The following TRIM29 variants were observed in gnomAD, a reference collection of about 807,000 sequenced individuals.
TRIM29 encodes the protein tripartite motif containing 29, also known as tripartite motif-containing protein 29.
Under a neutral mutation model 57.3 loss-of-function variants are expected in TRIM29, and 52 were observed. The ratio of observed to expected loss-of-function variants is 0.91; its 90% CI spans 0.73 to 1.14. The LOEUF (loss-of-function observed/expected upper bound fraction) is 1.14. Ranked by LOEUF, TRIM29 falls within the 50% of genes most tolerant of loss-of-function variation. The pLI is 0.00. For missense variants in TRIM29, 753 were observed against 774.6 expected (o/e 0.97, Z 0.33); for synonymous variants, 319 against 316.9 (o/e 1.01, Z -0.07).
At position 120,112,384 on chromosome 11, in the gene TRIM29, GTGTGGCGCCT is replaced by G. The variant is rs757541258; in HGVS notation, c.*20_*29del. ...AGCAGGGTCAGGAGGAAGAGCAGGG[GTGTGGCGCCT>G]CGTTCCTTCCGCCAGGAGCTCATGG... On this transcript the variant is annotated 3_prime_UTR_variant, in exon 9 of 9. Transcript: ENST00000341846. The G allele has an allele frequency of 4.3e-6, 7 of 1,612,234 alleles. No individual in the cohort carries two copies. The highest frequency in any genetic ancestry group is 4.2e-6 in the Non-Finnish European group (5 of 1,178,506).
At chr11:120,123,407 A>G in intron 4 of TRIM29, 1 of 482,506 alleles carries the variant, frequency 2.1e-6, no homozygotes, top group Non-Finnish European at 4.1e-6. Flanking sequence ...CCTGAGACAG[A>G]TAAGGAAATT....
At chr11:120,120,966 G>A in intron 5 of TRIM29, 1 of 445,762 alleles carries the variant, frequency 2.2e-6, no homozygotes, top group Non-Finnish European at 4.2e-6. Context: ...CCTGGAAGTG[G>A]CCTAATGAGC....
chr11:120,121,975 C>T (rs527241626), intron 5 of TRIM29: 2 of 448,488 alleles, frequency 4.5e-6, no homozygotes, highest in South Asian at 1.6e-5. Flanking sequence ...GCAGGCTGGC[C>T]GGCTGGGGCC....
intron 6 of TRIM29, chr11:120,118,707 A>ACACTC (rs756022927): frequency 5.3e-6 from 1 of 187,998 alleles, no homozygotes; most frequent in East Asian, 1.7e-4. Context: ...AGTGTCTGAG[A>ACACTC]CACTCCATCT....
In TRIM29 at chr11:120,137,726, C is replaced by A. The variant is rs1240316699; in HGVS notation, c.306G>T (p.Lys102Asn). Residue 102 changes from lysine to asparagine, a missense_variant, in exon 1 of 9, where the codon AAG becomes AAT. Coordinates refer to ENST00000341846, the MANE Select transcript of TRIM29 (RefSeq NM_012101.4). The surrounding 1 kb of genome is among the most constrained non-coding windows in gnomAD (Gnocchi z 6.2). ...GCTGGAGCCCTGCGTACGGCGACCT[C>A]TTGCCTTCCATAGAGTCCATGCTGA... Reference protein sequence around the residue: ...NYFSMDSMEGKRSPYAGLQLG... With the variant: ...NYFSMDSMEGNRSPYAGLQLG... 1.2e-6 allele frequency: 2 copies of A among 1,612,626 alleles called. No individual in the cohort carries two copies. Among genetic ancestry groups the A allele is most frequent in the Admixed American group, 1.7e-5 (1 of 60,002 alleles).
At chr11:120,116,109 C>G (rs1863261404) in intron 7 of TRIM29, 1 of 152,578 alleles carries the variant, frequency 6.6e-6, no homozygotes, top group South Asian at 2.1e-4. Flanking sequence ...TAGCCAGAGA[C>G]TAGGGCCTAG....
intron 1 of TRIM29, 71 bp from the exon 2 acceptor site, chr11:120,128,566 G>A (rs1010525823): frequency 1.6e-5 from 24 of 1,537,350 alleles, no homozygotes; most frequent in Admixed American, 7.4e-5. Flanking sequence ...ACCAGGGAGC[G>A]GCTCCACTCA....
intron 1 of TRIM29, among the ~76,000 whole-genome samples, chr11:120,135,090 C>A (rs549400936): frequency 6.6e-6 from 1 of 152,332 alleles, no homozygotes; most frequent in African/African-American, 2.4e-5. Flanking sequence ...ACTCTGAGCT[C>A]CTGGCACATC....
chr11:120,120,912 G>C, intron 5 of TRIM29: 1 of 595,454 alleles, frequency 1.7e-6, no homozygotes. Flanking sequence ...TGGCAACCAC[G>C]AGGGCAGAAG....
At chr11:120,132,199 C>T (rs549392368) in intron 1 of TRIM29, among the ~76,000 whole-genome samples, 12 of 151,648 alleles carry the variant, frequency 7.9e-5, no homozygotes, top group Admixed American at 2.0e-4. Context: ...TTGGCAGTTC[C>T]ATCTCTTTCC....
At chr11:120,115,004 CAA>C (rs1565311812) in intron 8 of TRIM29, among the ~76,000 whole-genome samples, 8 of 152,198 alleles carry the variant, frequency 5.3e-5, no homozygotes, top group African/African-American at 1.7e-4. Context: ...GGCTGTTTTA[CAA>C]TCCCAGAGCT....
At chr11:120,134,744 G>A (rs1048165780) in intron 1 of TRIM29, among the ~76,000 whole-genome samples, 1 of 152,174 alleles carries the variant, frequency 6.6e-6, no homozygotes, top group African/African-American at 2.4e-5. Context: ...CATCCCCTTG[G>A]GGCCCTTTCC....
At chr11:120,120,181 T>C (rs12419409) in intron 6 of TRIM29, among the ~76,000 whole-genome samples, 2 of 49,122 alleles carry the variant, frequency 4.1e-5, no homozygotes, top group East Asian at 6.9e-4. Flanking sequence ...GTGGGGGGGG[T>C]GGCGCATTCC....
At chr11:120,121,722 TCCACC>T (rs1160877158) in intron 5 of TRIM29, 2 of 251,500 alleles carry the variant, frequency 8.0e-6, no homozygotes, top group African/African-American at 2.2e-5. Flanking sequence ...TGCTGTTCCC[TCCACC>T]CCCTCCCACA....
chr11:120,125,567 G>T, intron 4 of TRIM29, 124 bp downstream of exon 4: 1 of 962,946 alleles, frequency 1.0e-6, no homozygotes, highest in Non-Finnish European at 1.5e-6. Flanking sequence ...CTGAGGAAGG[G>T]TGGGTGGGTG....
rs759265619 is a variant in TRIM29, at chr11:120,137,346, C to G, written c.686G>C (p.Gly229Ala). 6.2e-7 allele frequency: 1 copy of G among 1,614,020 alleles called. No homozygotes were observed. The highest frequency in any genetic ancestry group is 8.5e-7 in the Non-Finnish European group (1 of 1,180,034). Residue 229 changes from glycine (G) to alanine (A), a missense_variant, in exon 1 of 9, where the codon GGC becomes GCC. Coordinates refer to ENST00000341846, the MANE Select transcript of TRIM29 (RefSeq NM_012101.4). This position sits in a 1 kb window ranked among gnomAD's most constrained non-coding sequence, Gnocchi z 6.2. ...DFEARKCPVH[G>A]KTMELFCQTD... ...CTGGCAGAAGAGCTCCATCGTCTTG[C>G]CATGCACGGGACACTTGCGGGCCTC...
Position 120,112,057 on chromosome 11 carries a change from C to T in TRIM29, c.*357G>A. On this transcript the variant is annotated 3_prime_UTR_variant, in exon 9 of 9. Coordinates refer to ENST00000341846, the MANE Select transcript of TRIM29 (RefSeq NM_012101.4). ...GACAGCAGGGCGTGGGCGGGAGAGGCAGGCTGATACCATGCGGGTACTCAC... is the reference window on the plus strand; with the variant it reads ...GACAGCAGGGCGTGGGCGGGAGAGGTAGGCTGATACCATGCGGGTACTCAC... The T allele has an allele frequency of 3.5e-6, 1 of 285,450 alleles. No individual in the cohort carries two copies. The highest frequency in any genetic ancestry group is 2.3e-5 in the African/African-American group (1 of 43,512). The allele number at this position is 285,450 out of a possible 1,614,324, so 17.7% of individuals were successfully genotyped here. A position where few individuals can be genotyped will look rare whatever the true frequency, so the allele number is the denominator to read the frequency against.
intron 1 of TRIM29, among the ~76,000 whole-genome samples, chr11:120,136,812 AGAAGAAGAGGAG>A (rs368281452): frequency 0.014 from 2,186 of 152,164 alleles, 96 homozygotes; most frequent in East Asian, 0.13. Context: ...AAATAAAAGA[AGAAGAAGAGGAG>A]GAAGAAGAGG....
At chr11:120,129,156 C>A (rs1275739529) in intron 1 of TRIM29, among the ~76,000 whole-genome samples, 1 of 152,166 alleles carries the variant, frequency 6.6e-6, no homozygotes. Context: ...GGGACCCCTG[C>A]TCAGGAAGAG....
Sources: gnomAD v4.1 joint callset for allele counts (sites outside exome capture counted in the v4.1 genomes callset) on GRCh38, gnomAD v4.1.1 for gene constraint, Gnocchi (gnomAD v3.1) non-coding constraint, MANE v1.5 for transcripts, NCBI Gene and HGNC (gene_info 2026-07-23, HGNC 2026-07-21) for gene names.